The following CADM1 variants were observed in gnomAD, a reference collection of about 807,000 sequenced individuals.
CADM1 encodes TSLC-1.
A neutral mutation model predicts 53.1 loss-of-function variants in CADM1; 15 were observed. The observed-to-expected ratio is 0.28, with a 90% CI of 0.19 to 0.44. CADM1 has a LOEUF of 0.44. CADM1 is among the 20% of genes least tolerant of loss of function. CADM1 has a pLI of 1.00. For synonymous variants in CADM1, 281 were observed against 243.0 expected, an observed-to-expected ratio of 1.16 and a Z score of -1.45; for missense variants, 434 against 611.3, an observed-to-expected ratio of 0.71 and a Z score of 3.06.
intron 8 of CADM1, among the ~76,000 whole-genome samples, chr11:115,199,712 G>A (rs756647607): frequency 7.2e-5 from 11 of 152,092 alleles, no homozygotes; most frequent in East Asian, 1.9e-4. Flanking sequence ...TTCCTTCTAC[G>A]ACTCATTGCT....
At chr11:115,358,454 A>C (rs1285824319) in intron 1 of CADM1, among the ~76,000 whole-genome samples, 1 of 152,084 alleles carries the variant, frequency 6.6e-6, no homozygotes, top group Admixed American at 6.6e-5. Flanking sequence ...TCTTTATTAA[A>C]ACCATCAGAT....
At chr11:115,496,754 G>A (rs1406242728) in intron 1 of CADM1, among the ~76,000 whole-genome samples, 1 of 152,050 alleles carries the variant, frequency 6.6e-6, no homozygotes, top group African/African-American at 2.4e-5. Flanking sequence ...ATGTCACTTA[G>A]AAACAATCAG....
rs1256917119 is a variant in CADM1 at position 115,234,402 on chromosome 11, C to A, written c.425-2912G>T. 2.0e-5 allele frequency among the ~76,000 whole-genome samples: 3 copies of A among 152,142 alleles called. No homozygotes were observed. The East Asian group carries it at 5.8e-4, about 29-fold the overall frequency. Reference sequence around the variant, plus strand: ...CAGATTTCGTTTGGGGGCTGAGATCCTGACAGGCAGCTAGGTCCCCATCTG... The same window carrying A: ...CAGATTTCGTTTGGGGGCTGAGATCATGACAGGCAGCTAGGTCCCCATCTG... On this transcript the variant is annotated intron_variant, in intron 3 of 11. Coordinates refer to ENST00000331581, the MANE Select transcript of CADM1 (RefSeq NM_001301043.2).
chr11:115,454,798 G>T (rs537374909), intron 1 of CADM1, among the ~76,000 whole-genome samples: 38 of 152,172 alleles, frequency 2.5e-4, no homozygotes, highest in Non-Finnish European at 4.9e-4. Context: ...TTTGGTCAAA[G>T]ATCAATTCTT....
intron 1 of CADM1, among the ~76,000 whole-genome samples, chr11:115,249,798 C>T (rs991203467): frequency 1.3e-5 from 2 of 152,134 alleles, no homozygotes; most frequent in Admixed American, 1.3e-4. Context: ...GATTTCAAAG[C>T]TATGGGGATG....
At chr11:115,414,732 C>CT (rs71066425) in intron 1 of CADM1, among the ~76,000 whole-genome samples, 152,324 of 152,324 alleles carry the variant, frequency 1, 76,162 homozygotes, top group Non-Finnish European at 1. Context: ...TGTCATCCAA[C>CT]TTGTCAGAAA....
At chr11:115,398,228 T>C (rs1423351437) in intron 1 of CADM1, among the ~76,000 whole-genome samples, 1 of 152,250 alleles carries the variant, frequency 6.6e-6, no homozygotes, top group African/African-American at 2.4e-5. Flanking sequence ...GAATAGGCTC[T>C]GATTAAAATA....
rs549541253 is a variant in CADM1, at chr11:115,169,381, G to T, written c.*7093C>A. On this transcript the variant is annotated 3_prime_UTR_variant, in exon 12 of 12. Transcript: ENST00000331581. ...CCATAAACTGTCTTAAGCATCTCCC[G>T]GGCTACATTTCTGGCTGTGTTAAGA... The T allele has an allele frequency of 8.8e-6, 3 of 341,344 alleles. No individual in the cohort carries two copies. Among genetic ancestry groups the T allele is most frequent in the South Asian group, 6.9e-5 (3 of 43,382 alleles). The allele number at this position is 341,344 out of a possible 1,614,324, so 21.1% of individuals were successfully genotyped here.
chr11:115,316,667 A>G (rs188347001), intron 1 of CADM1, among the ~76,000 whole-genome samples: 1 of 152,284 alleles, frequency 6.6e-6, no homozygotes, highest in African/African-American at 2.4e-5. Context: ...ATGTTCCTTT[A>G]GTGACGCTAT....
At position 115,278,014 on chromosome 11, in the gene CADM1, T is replaced by A. The variant is rs566549581; in HGVS notation, c.125-37594A>T. ...TGCCCCTCTCTACCTATCCTGTAAT[T>A]CCCACCCCTCCCCAATCACATTTTC... On this transcript the variant is annotated intron_variant, in intron 1 of 11. Coordinates refer to ENST00000331581, the MANE Select transcript of CADM1 (RefSeq NM_001301043.2). 4.6e-5 allele frequency among the ~76,000 whole-genome samples: 7 copies of A among 152,152 alleles called. No homozygotes were observed. In the South Asian group the frequency reaches 8.3e-4, roughly 18 times the overall value.
At chr11:115,350,261 G>A (rs113935210) in intron 1 of CADM1, among the ~76,000 whole-genome samples, 2,971 of 152,284 alleles carry the variant, frequency 0.02, 118 homozygotes, top group African/African-American at 0.066. Flanking sequence ...GTGAGCCACC[G>A]CGCCTGACCA....
rs1477772642 is a variant in CADM1 at position 115,205,800 on chromosome 11, G to T, written c.1078+3774C>A. ...TCGTGGCAAATCATAGTGAGGCTCT[G>T]AATGGCTCCCAATCTAAAACTGTTT... On this transcript the variant is annotated intron_variant, in intron 8 of 11. Coordinates refer to ENST00000331581, the MANE Select transcript of CADM1 (RefSeq NM_001301043.2). 2.0e-5 allele frequency among the ~76,000 whole-genome samples: 3 copies of T among 152,154 alleles called. 1 individual carries two copies. The highest frequency in any genetic ancestry group is 4.4e-5 in the Non-Finnish European group (3 of 68,026).
At chr11:115,340,881 C>T (rs1291609111) in intron 1 of CADM1, among the ~76,000 whole-genome samples, 1 of 151,054 alleles carries the variant, frequency 6.6e-6, no homozygotes, top group Non-Finnish European at 1.5e-5. Context: ...AGGCTGGTCT[C>T]AAACTCCTGA....
At chr11:115,359,554 A>T (rs1290769034) in intron 1 of CADM1, among the ~76,000 whole-genome samples, 1 of 152,170 alleles carries the variant, frequency 6.6e-6, no homozygotes, top group East Asian at 1.9e-4. Context: ...CCGTGATTAC[A>T]GTGACTCCTA....
chr11:115,390,608 C>T (rs565320721), intron 1 of CADM1, among the ~76,000 whole-genome samples: 3 of 146,186 alleles, frequency 2.1e-5, no homozygotes, highest in South Asian at 4.4e-4. Context: ...AAAACTGAAA[C>T]AGCACCACCA....
chr11:115,259,290 CTTTTTTTTTTTTTTTTTTTTT>C (rs71066411), intron 1 of CADM1, among the ~76,000 whole-genome samples: 1 of 55,056 alleles, frequency 1.8e-5, no homozygotes, highest in Non-Finnish European at 3.2e-5. Context: ...CCAGTCTTAA[CTTTTTTTTTTTTTTTTTTTTT>C]TTTTTTTTTT....
chr11:115,324,259 T>C (rs1186886128), intron 1 of CADM1, among the ~76,000 whole-genome samples: 1 of 152,222 alleles, frequency 6.6e-6, no homozygotes, highest in Non-Finnish European at 1.5e-5. Context: ...TAGACTTCTC[T>C]GAACTGCATC....
At chr11:115,445,505 A>C (rs1302782929) in intron 1 of CADM1, among the ~76,000 whole-genome samples, 2 of 48,942 alleles carry the variant, frequency 4.1e-5, no homozygotes, top group Non-Finnish European at 1.6e-4. Flanking sequence ...ATCATTGTTT[A>C]AAAAAAAAAA....
rs3210211 is a variant in CADM1, at chr11:115,174,282, T to G, written c.*2192A>C. ...AATGGTGTGATTTTTTTTTTTTGTT[T>G]TTGTTTTTGTTTTTCTTTTTTTCTA... On this transcript the variant is annotated 3_prime_UTR_variant, in exon 12 of 12. Coordinates refer to ENST00000331581, the MANE Select transcript of CADM1 (RefSeq NM_001301043.2). The G allele has an allele frequency of 0.16, 159,933 of 983,834 alleles. 13,382 individuals carry two copies. The highest frequency in any genetic ancestry group is 0.28 in the East Asian group (2,494 of 8,802). 60.9% of individuals were successfully genotyped at this position (983,834 alleles called of 1,614,324 possible).
Sources: allele counts gnomAD v4.1 joint callset (sites outside exome capture counted in the v4.1 genomes callset), GRCh38; gene constraint gnomAD v4.1.1; transcripts MANE v1.5; gene names NCBI Gene and HGNC (gene_info 2026-07-23, HGNC 2026-07-21).